ZBTB38: variants seen among roughly 807,000 people sequenced by gnomAD.
ZBTB38 encodes the protein zinc finger and BTB domain containing 38, also known as zinc finger and BTB domain-containing protein 38.
A neutral mutation model predicts 76.8 loss-of-function variants in ZBTB38; 20 were observed. That is an observed-to-expected ratio of 0.26 (90% CI 0.18 to 0.38). The LOEUF (loss-of-function observed/expected upper bound fraction) is 0.38, where lower values mean the gene tolerates loss of function less well. Ranked by LOEUF, ZBTB38 falls within the 10% of genes least tolerant of loss-of-function variation. The pLI is 1.00. For synonymous variants in ZBTB38, 504 were observed against 544.2 expected (o/e 0.93, Z 1.03); for missense variants, 1,082 against 1,482.3 (o/e 0.73, Z 4.43).
intron 5 of ZBTB38, among the ~76,000 whole-genome samples, chr3:141,409,433 T>C (rs1402049186): frequency 1.3e-5 from 2 of 152,250 alleles, no homozygotes; most frequent in African/African-American, 4.8e-5. Context: ...CCCAGCCACA[T>C]AGTGAGAGTA....
chr3:141,441,256 ACTT>A (rs1211630409), intron 5 of ZBTB38, among the ~76,000 whole-genome samples: 1 of 152,176 alleles, frequency 6.6e-6, no homozygotes, highest in Non-Finnish European at 1.5e-5. Context: ...ATGGAATAGG[ACTT>A]ATATAGAGAA....
intron 1 of ZBTB38, among the ~76,000 whole-genome samples, chr3:141,356,878 G>T (rs1053570206): frequency 6.6e-6 from 1 of 152,198 alleles, no homozygotes; most frequent in Non-Finnish European, 1.5e-5. Flanking sequence ...AAAGATTTAA[G>T]ATTTCCTTCA....
intron 5 of ZBTB38, among the ~76,000 whole-genome samples, chr3:141,416,865 T>A (rs945501516): frequency 6.6e-6 from 1 of 152,130 alleles, no homozygotes; most frequent in African/African-American, 2.4e-5. Context: ...AAGGAAGGAT[T>A]CTCCCCCTGC....
intron 1 of ZBTB38, among the ~76,000 whole-genome samples, chr3:141,339,217 C>A (rs1055768875): frequency 2.6e-5 from 4 of 152,118 alleles, no homozygotes; most frequent in African/African-American, 9.7e-5. Context: ...ATTGGAGTCA[C>A]CAAGGCAGAG....
chr3:141,353,562 G>T (rs1943579270), intron 1 of ZBTB38, among the ~76,000 whole-genome samples: 1 of 152,102 alleles, frequency 6.6e-6, no homozygotes, highest in East Asian at 1.9e-4. Flanking sequence ...GGGAAGGGGG[G>T]AAGGGGAGAA....
At chr3:141,431,341 A>AAAAATATAT in intron 5 of ZBTB38, among the ~76,000 whole-genome samples, 2 of 103,272 alleles carry the variant, frequency 1.9e-5, no homozygotes, top group African/African-American at 1.2e-4. Context: ...AAAAAAAAAA[A>AAAAATATAT]ATATATATAT....
chr3:141,325,008 C>T (rs1942629665), intron 1 of ZBTB38, among the ~76,000 whole-genome samples: 1 of 152,114 alleles, frequency 6.6e-6, no homozygotes, highest in South Asian at 2.1e-4. Context: ...CATTAACAGC[C>T]GTTTGTTCTG....
chr3:141,369,567 C>G (rs545037721), intron 1 of ZBTB38, among the ~76,000 whole-genome samples: 1 of 152,156 alleles, frequency 6.6e-6, no homozygotes, highest in Non-Finnish European at 1.5e-5. Context: ...GAGAACAGCA[C>G]GTAGGCATAG....
chr3:141,339,026 G>T (rs1185054359), intron 1 of ZBTB38, among the ~76,000 whole-genome samples: 1 of 152,088 alleles, frequency 6.6e-6, no homozygotes, highest in African/African-American at 2.4e-5. Flanking sequence ...TTTAGAAAGG[G>T]TGTTGGATAA....
At chr3:141,349,947 CA>C (rs894979508) in intron 1 of ZBTB38, among the ~76,000 whole-genome samples, 2 of 152,014 alleles carry the variant, frequency 1.3e-5, no homozygotes, top group Non-Finnish European at 2.9e-5. Context: ...AAAACATTTA[CA>C]AAAATATCTC....
upstream of ZBTB38, among the ~76,000 whole-genome samples, chr3:141,368,093 G>C (rs1201151740): frequency 6.6e-6 from 1 of 152,154 alleles, no homozygotes; most frequent in African/African-American, 2.4e-5. Context: ...CAATACCACT[G>C]CAACTCCTTG....
intron 2 of ZBTB38, among the ~76,000 whole-genome samples, chr3:141,379,464 T>C (rs1054455286): frequency 3.9e-5 from 6 of 152,200 alleles, no homozygotes; most frequent in African/African-American, 1.4e-4. Flanking sequence ...GGCCTCAGCC[T>C]CCAGCTTCCA....
At chr3:141,356,006 G>A (rs772216026) in intron 1 of ZBTB38, among the ~76,000 whole-genome samples, 2 of 139,636 alleles carry the variant, frequency 1.4e-5, no homozygotes, top group South Asian at 4.4e-4. Flanking sequence ...CAGTAAAAAG[G>A]ACACCAATTA....
In ZBTB38 at chr3:141,442,244, T is replaced by C; in HGVS notation, c.1-145T>C. The C allele has an allele frequency of 1.6e-6, 1 of 618,726 alleles. No individual in the cohort carries two copies. The highest frequency in any genetic ancestry group is 2.7e-5 in the East Asian group (1 of 36,486). 38.3% of individuals were successfully genotyped at this position (618,726 alleles called of 1,614,324 possible). ...AAGATTTAGCTTCTAATGTTGACTC[T>C]TGAGTCTCGGGAGCATCAACAGAAT... is the stretch of plus-strand genomic sequence containing the variant. On this transcript the variant is annotated intron_variant, in intron 5 of 5. Coordinates refer to ENST00000321464, the MANE Select transcript of ZBTB38 (RefSeq NM_001376113.1). The surrounding 1 kb of genome is among the most constrained non-coding windows in gnomAD (Gnocchi z 6.4).
In ZBTB38 at chr3:141,444,098, T is replaced by C; in HGVS notation, c.1710T>C (p.Pro570=). 1 of 1,614,018 alleles carries C rather than the reference T, an allele frequency of 6.2e-7. No homozygotes were observed. Among genetic ancestry groups the C allele is most frequent in the South Asian group, 1.1e-5 (1 of 91,082 alleles). ...VYPYKLYRLL[P]MKCKRAPYKS... ...CGTATAAACTTTATAGGCTACTGCC[T>C]ATGAAATGCAAGAGAGCCCCTTATA... Residue 570 remains proline, a synonymous_variant, in exon 6 of 6, where the codon CCT becomes CCC. Coordinates refer to ENST00000321464, the MANE Select transcript of ZBTB38 (RefSeq NM_001376113.1). This position sits in a 1 kb window ranked among gnomAD's most constrained non-coding sequence, Gnocchi z 5.1.
Position 141,448,191 on chromosome 3 carries a change from C to T in ZBTB38, c.*2215C>T, listed in dbSNP as rs1351374567. On this transcript the variant is annotated 3_prime_UTR_variant, in exon 6 of 6. Coordinates refer to ENST00000321464, the MANE Select transcript of ZBTB38 (RefSeq NM_001376113.1). ...CCTGTAGTGATGTCTCTCTCCCAGC[C>T]CTTATATGTGGATATTTTTTAAGTG... The T allele has an allele frequency of 6.6e-6, 1 of 152,460 alleles. No homozygotes were observed. Among genetic ancestry groups the T allele is most frequent in the Non-Finnish European group, 1.5e-5 (1 of 68,006 alleles). The allele number at this position is 152,460 out of a possible 1,614,324, so 9.4% of individuals were successfully genotyped here. A position where few individuals can be genotyped will look rare whatever the true frequency, so the allele number is the denominator to read the frequency against.
At chr3:141,385,867 T>G (rs1377576218) in intron 3 of ZBTB38, 1 of 152,130 alleles carries the variant, frequency 6.6e-6, no homozygotes, top group Non-Finnish European at 1.5e-5. Context: ...GTTTTGAAGA[T>G]GACATGAAAT....
chr3:141,425,000 A>G (rs2150293692), intron 5 of ZBTB38, among the ~76,000 whole-genome samples: 1 of 152,358 alleles, frequency 6.6e-6, no homozygotes, highest in East Asian at 1.9e-4. Context: ...TGTTAACCCA[A>G]GTATCTTCTA....
At chr3:141,362,745 G>A (rs1314002875) in intron 1 of ZBTB38, among the ~76,000 whole-genome samples, 2 of 152,144 alleles carry the variant, frequency 1.3e-5, no homozygotes, top group Admixed American at 6.6e-5. Flanking sequence ...GCTATGGGGT[G>A]TAAGAGGCTT....
Sources: allele counts gnomAD v4.1 joint callset (sites outside exome capture counted in the v4.1 genomes callset), GRCh38; gene constraint gnomAD v4.1.1; non-coding constraint Gnocchi (gnomAD v3.1); transcripts MANE v1.5; gene names NCBI Gene and HGNC (gene_info 2026-07-23, HGNC 2026-07-21).